The following FSTL5 variants were observed in gnomAD, a reference collection of about 807,000 sequenced individuals.
FSTL5 encodes the protein follistatin-related protein 5.
In FSTL5, 62 loss-of-function variants were observed where a neutral mutation model predicts 89.1. That is an observed-to-expected ratio of 0.70 (90% CI 0.57 to 0.86). The LOEUF (loss-of-function observed/expected upper bound fraction) is 0.86, where lower values mean the gene tolerates loss of function less well. Ranked by LOEUF, FSTL5 falls within the 40% of genes least tolerant of loss-of-function variation. FSTL5 has a pLI of 0.00. For missense variants in FSTL5, 1,057 were observed against 1,001.6 expected, an observed-to-expected ratio of 1.06 and a Z score of -0.75; for synonymous variants, 383 against 346.2, an observed-to-expected ratio of 1.11 and a Z score of -1.18.
chr4:161,839,463 A>C (rs1318047125), intron 4 of FSTL5, among the ~76,000 whole-genome samples: 1 of 152,202 alleles, frequency 6.6e-6, no homozygotes, highest in African/African-American at 2.4e-5. Flanking sequence ...GAATAAACAA[A>C]TTGTGGTATA....
chr4:161,887,690 G>A (rs988062312), intron 4 of FSTL5, among the ~76,000 whole-genome samples: 2 of 152,034 alleles, frequency 1.3e-5, no homozygotes, highest in Non-Finnish European at 1.5e-5. Context: ...TCATAGATAA[G>A]CAATACCTTT....
intron 3 of FSTL5, among the ~76,000 whole-genome samples, chr4:161,992,882 ATATATATATATATATG>A (rs1736161294): frequency 1.5e-4 from 3 of 19,976 alleles, no homozygotes; most frequent in African/African-American, 3.8e-4. Flanking sequence ...ATATATATAT[ATATATATATATATATG>A]TGTGTGTATA....
At chr4:161,646,609 C>A (rs1447042799) in intron 7 of FSTL5, among the ~76,000 whole-genome samples, 1 of 152,004 alleles carries the variant, frequency 6.6e-6, no homozygotes, top group African/African-American at 2.4e-5. Flanking sequence ...TGCAGAAAAT[C>A]TTTTTACAAA....
rs116461757 is a variant in FSTL5 at position 161,651,534 on chromosome 4, G to C, written c.894+4794C>G. 5.0e-3 allele frequency among the ~76,000 whole-genome samples: 757 copies of C among 152,176 alleles called. 3 individuals are homozygous for C. The highest frequency in any genetic ancestry group is 0.014 in the Middle Eastern group (4 of 294). Reference sequence around the variant, plus strand: ...ATATAAGAAGGAAGAGAAGAAAGGGGAAGGGAGGGGAAGAAAGGGAAAGAA... The same window carrying C: ...ATATAAGAAGGAAGAGAAGAAAGGGCAAGGGAGGGGAAGAAAGGGAAAGAA... On this transcript the variant is annotated intron_variant, in intron 7 of 15. Coordinates refer to ENST00000306100, the MANE Select transcript of FSTL5 (RefSeq NM_020116.5).
intron 2 of FSTL5, among the ~76,000 whole-genome samples, chr4:162,062,089 T>C (rs1738735332): frequency 6.6e-6 from 1 of 151,780 alleles, no homozygotes; most frequent in Non-Finnish European, 1.5e-5. Flanking sequence ...CTGAATTGTG[T>C]CCATGATGTC....
At chr4:161,977,032 G>A (rs1578910700) in intron 3 of FSTL5, among the ~76,000 whole-genome samples, 1 of 152,046 alleles carries the variant, frequency 6.6e-6, no homozygotes, top group African/African-American at 2.4e-5. Context: ...TAAAAGTAAT[G>A]GGAAGAAAAA....
At chr4:161,779,789 A>ATG (rs1553965259) in intron 4 of FSTL5, among the ~76,000 whole-genome samples, 543 of 51,040 alleles carry the variant, frequency 0.011, 40 homozygotes, top group South Asian at 0.082. Context: ...ATATATATAT[A>ATG]TATATATATA....
intron 8 of FSTL5, among the ~76,000 whole-genome samples, chr4:161,557,977 T>A (rs1454395983): frequency 6.6e-6 from 1 of 151,758 alleles, no homozygotes; most frequent in African/African-American, 2.4e-5. Flanking sequence ...CCTTAGGAGA[T>A]AAGCCCATAT....
intron 4 of FSTL5, among the ~76,000 whole-genome samples, chr4:161,823,548 A>G (rs765717934): frequency 1.3e-5 from 2 of 152,226 alleles, no homozygotes; most frequent in Non-Finnish European, 2.9e-5. Context: ...TCTTGGGAGC[A>G]GGGACTTCTG....
chr4:161,718,408 G>A (rs1418744551), intron 6 of FSTL5, among the ~76,000 whole-genome samples: 1 of 151,976 alleles, frequency 6.6e-6, no homozygotes, highest in African/African-American at 2.4e-5. Flanking sequence ...ATCATGGAGT[G>A]TGTAGAGATG....
At chr4:161,670,716 G>C (rs887869871) in intron 6 of FSTL5, among the ~76,000 whole-genome samples, 1 of 152,144 alleles carries the variant, frequency 6.6e-6, no homozygotes, top group Non-Finnish European at 1.5e-5. Flanking sequence ...GCAGCAAACA[G>C]ATGTAAAATA....
intron 10 of FSTL5, among the ~76,000 whole-genome samples, chr4:161,515,361 C>G (rs1252661549): frequency 7.9e-5 from 12 of 151,864 alleles, no homozygotes; most frequent in Non-Finnish European, 2.9e-5. Context: ...CCACACCCAG[C>G]TATTTTTTGT....
chr4:161,588,918 T>C (rs1354975858), intron 7 of FSTL5, among the ~76,000 whole-genome samples: 4 of 151,934 alleles, frequency 2.6e-5, no homozygotes, highest in Non-Finnish European at 4.4e-5. Context: ...CTCGAGAACA[T>C]ACATTTTCAT....
intron 4 of FSTL5, among the ~76,000 whole-genome samples, chr4:161,874,566 ATTT>A (rs375519679): frequency 7.4e-6 from 1 of 135,670 alleles, no homozygotes; most frequent in African/African-American, 2.7e-5. Context: ...TATATTTTAG[ATTT>A]TTTTTTTTTT....
At chr4:161,777,725 C>T (rs1741464714) in intron 4 of FSTL5, among the ~76,000 whole-genome samples, 1 of 152,028 alleles carries the variant, frequency 6.6e-6, no homozygotes, top group African/African-American at 2.4e-5. Flanking sequence ...ATATTTAGTA[C>T]CTGCCATGTA....
At chr4:162,036,242 A>G (rs906661569) in intron 2 of FSTL5, among the ~76,000 whole-genome samples, 1 of 152,102 alleles carries the variant, frequency 6.6e-6, no homozygotes, top group African/African-American at 2.4e-5. Context: ...TTCTAATAAC[A>G]TGGCCTATCT....
chr4:162,097,935 G>A (rs2111374556), intron 2 of FSTL5, among the ~76,000 whole-genome samples: 1 of 151,986 alleles, frequency 6.6e-6, no homozygotes, highest in East Asian at 1.9e-4. Context: ...CCTGCACTAT[G>A]AGCCGGCAAT....
chr4:161,440,933 A>G (rs947519508), intron 15 of FSTL5, among the ~76,000 whole-genome samples: 3 of 152,146 alleles, frequency 2.0e-5, no homozygotes, highest in Non-Finnish European at 4.4e-5. Context: ...TAAATTGCCT[A>G]ATAAATTTTG....
At chr4:161,598,651 C>T in intron 7 of FSTL5, among the ~76,000 whole-genome samples, 1 of 151,974 alleles carries the variant, frequency 6.6e-6, no homozygotes, top group East Asian at 1.9e-4. Flanking sequence ...AGATAAATGA[C>T]AAGTATATAT....
Sources: allele counts gnomAD v4.1 joint callset (sites outside exome capture counted in the v4.1 genomes callset), GRCh38; gene constraint gnomAD v4.1.1; transcripts MANE v1.5; gene names NCBI Gene and HGNC (gene_info 2026-07-23, HGNC 2026-07-21).